Variants in DPYS observed in about 807,000 individuals in gnomAD.
The protein encoded by DPYS is dihydropyrimidine amidohydrolase.
DPYS carries 39 observed loss-of-function variants against 50.3 expected under a neutral mutation model. The observed-to-expected ratio is 0.78, with a 90% confidence interval of 0.60 to 1.01. The LOEUF (loss-of-function observed/expected upper bound fraction) is 1.01. Among genes scored for constraint, DPYS ranks in the 50% least tolerant of loss-of-function variants. DPYS has a pLI of 0.00. For synonymous variants in DPYS, 245 were observed against 250.7 expected (o/e 0.98, Z 0.22); for missense variants, 659 against 680.9 (o/e 0.97, Z 0.36).
At chr8:104,451,485 G>C in intron 1 of DPYS, 81 bp from the exon 2 acceptor site, 9 of 1,583,056 alleles carry the variant, frequency 5.7e-6, no homozygotes, top group Non-Finnish European at 6.0e-6. Context: ...ATGTGCATTT[G>C]TAAGCACTTG....
intron 6 of DPYS, 97 bp from the exon 7 acceptor site, chr8:104,424,486 T>C (rs1480970634): frequency 7.8e-7 from 1 of 1,281,304 alleles, no homozygotes; most frequent in Non-Finnish European, 1.1e-6. Context: ...CAAACAGAAC[T>C]GCACCTAATT....
chr8:104,429,106 C>T, intron 5 of DPYS: 1 of 194,418 alleles, frequency 5.1e-6, no homozygotes, highest in Admixed American at 5.4e-5. Flanking sequence ...GCTGGGATTA[C>T]AAGCATGAGC....
At chr8:104,415,079 C>T (rs2140585872) in intron 7 of DPYS, among the ~76,000 whole-genome samples, 1 of 152,350 alleles carries the variant, frequency 6.6e-6, no homozygotes, top group Non-Finnish European at 1.5e-5. Context: ...TTAAATCACA[C>T]ATTTGTCCAT....
At chr8:104,436,966 C>G (rs1445357371) in intron 4 of DPYS, among the ~76,000 whole-genome samples, 1 of 152,024 alleles carries the variant, frequency 6.6e-6, no homozygotes, top group Non-Finnish European at 1.5e-5. Flanking sequence ...AGAACGTTTT[C>G]TTGGAAATAG....
At chr8:104,460,108 T>C (rs1814072234) in intron 1 of DPYS, among the ~76,000 whole-genome samples, 1 of 152,170 alleles carries the variant, frequency 6.6e-6, no homozygotes, top group Non-Finnish European at 1.5e-5. Flanking sequence ...GGCCCCCAAT[T>C]ACTAAACATA....
chr8:104,440,341 G>C (rs1813306877), intron 4 of DPYS, among the ~76,000 whole-genome samples: 1 of 152,088 alleles, frequency 6.6e-6, no homozygotes, highest in Non-Finnish European at 1.5e-5. Context: ...ATATGCATAT[G>C]AATCACCTGG....
intron 5 of DPYS, chr8:104,429,308 TA>T (rs1812864570): frequency 1.8e-6 from 1 of 544,270 alleles, no homozygotes; most frequent in Non-Finnish European, 3.3e-6. Context: ...CAGAAAAGAG[TA>T]AAGTTTCAGT....
rs564562571 is a variant in DPYS at position 104,454,254 on chromosome 8, C to T, written c.265-2850G>A. 1.4e-4 allele frequency among the ~76,000 whole-genome samples: 22 copies of T among 152,184 alleles called. No homozygotes were observed. The South Asian group carries it at 3.1e-3, about 22-fold the overall frequency. On this transcript the variant is annotated intron_variant, in intron 1 of 9. Transcript: ENST00000351513. Reference sequence around the variant, plus strand: ...TACAAAAATTAGCTGGGCATGGTGGCGGGTGCCTATAATCCCAGCTACTAG... The same window carrying T: ...TACAAAAATTAGCTGGGCATGGTGGTGGGTGCCTATAATCCCAGCTACTAG...
chr8:104,419,913 G>A (rs1402876294), intron 7 of DPYS: 1 of 152,236 alleles, frequency 6.6e-6, no homozygotes, highest in Admixed American at 6.5e-5. Flanking sequence ...ATCATTAATT[G>A]TGACAAGTGT....
chr8:104,402,232 T>G (rs1811841950), intron 7 of DPYS, among the ~76,000 whole-genome samples: 1 of 152,222 alleles, frequency 6.6e-6, no homozygotes, highest in Non-Finnish European at 1.5e-5. Context: ...AGGTATTTTA[T>G]ATATGTATTT....
At chr8:104,387,693 A>G (rs1321452712) in intron 8 of DPYS, among the ~76,000 whole-genome samples, 1 of 152,218 alleles carries the variant, frequency 6.6e-6, no homozygotes. Flanking sequence ...ACTTACCTCC[A>G]AGGGTTGTTG....
At chr8:104,447,673 T>C (rs1813586697) in intron 2 of DPYS, among the ~76,000 whole-genome samples, 170 bp from the exon 3 acceptor site, 1 of 152,230 alleles carries the variant, frequency 6.6e-6, no homozygotes, top group African/African-American at 2.4e-5. Context: ...TTTCCCAGGT[T>C]ATACCCCATT....
chr8:104,408,822 T>G lies in DPYS; in HGVS notation c.1235+15425A>C, dbSNP rs1213061284. Reference sequence around the variant, plus strand: ...TCCAAACATGTTTTTTTGTTTGTTTTTTTTTTTTGAGATAGAGTTTCACTC... The same window carrying G: ...TCCAAACATGTTTTTTTGTTTGTTTGTTTTTTTTGAGATAGAGTTTCACTC... On this transcript the variant is annotated intron_variant, in intron 7 of 9. Transcript: ENST00000351513. 7.3e-5 allele frequency among the ~76,000 whole-genome samples: 11 copies of G among 151,636 alleles called. No individual in the cohort carries two copies. The East Asian group carries it at 1.4e-3, about 19-fold the overall frequency.
intron 6 of DPYS, among the ~76,000 whole-genome samples, chr8:104,424,955 T>A (rs1470910302): frequency 6.6e-6 from 1 of 150,826 alleles, no homozygotes; most frequent in African/African-American, 2.4e-5. Flanking sequence ...GCCTCCCAAG[T>A]AAGTAACTGG....
At chr8:104,427,948 G>A (rs1278137207) in intron 6 of DPYS, 32 bp downstream of exon 6, 1 of 1,613,300 alleles carries the variant, frequency 6.2e-7, no homozygotes, top group East Asian at 2.2e-5. Flanking sequence ...TGAAGAACTA[G>A]GCAAAGCAAG....
intron 7 of DPYS, chr8:104,419,057 A>G (rs1219305272): frequency 8.1e-6 from 8 of 985,368 alleles, no homozygotes; most frequent in Non-Finnish European, 9.6e-6. Context: ...TCCAACCTAA[A>G]AAATGAAGGG....
chr8:104,424,351 A>G lies in DPYS; in HGVS notation c.1131T>C (p.Val377=). Residue 377 remains valine, a synonymous_variant, in exon 7 of 10, where the codon GTT becomes GTC. Transcript: ENST00000351513. ...GKMDENRFVA[V]TSTNAAKIFN... ...AAATTTTGGCTGCATTTGTGCTGGT[A>G]ACTGCCACAAATCTGTTTTCATCCA... 6.2e-7 allele frequency: 1 copy of G among 1,614,022 alleles called. No homozygotes were observed. The highest frequency in any genetic ancestry group is 1.1e-5 in the South Asian group (1 of 91,078).
At chr8:104,443,002 G>A (rs907847824) in intron 4 of DPYS, among the ~76,000 whole-genome samples, 2 of 152,200 alleles carry the variant, frequency 1.3e-5, no homozygotes, top group African/African-American at 2.4e-5. Flanking sequence ...ACTTCAGTGA[G>A]CCAAGATTGT....
At chr8:104,407,688 T>G (rs1812041167) in intron 7 of DPYS, among the ~76,000 whole-genome samples, 1 of 152,230 alleles carries the variant, frequency 6.6e-6, no homozygotes, top group Admixed American at 6.5e-5. Flanking sequence ...TTTTAGGAAT[T>G]GGAAACACTG....
Sources: allele counts gnomAD v4.1 joint callset (sites outside exome capture counted in the v4.1 genomes callset), GRCh38; gene constraint gnomAD v4.1.1; transcripts MANE v1.5; gene names NCBI Gene and HGNC (gene_info 2026-07-23, HGNC 2026-07-21).